Variants in CCBE1 observed in about 807,000 individuals in gnomAD.
CCBE1 encodes collagen and calcium binding EGF domains 1.
Under a neutral mutation model 50.0 loss-of-function variants are expected in CCBE1, and 37 were observed. The ratio of observed to expected loss-of-function variants is 0.74; its 90% CI spans 0.57 to 0.97. The LOEUF (loss-of-function observed/expected upper bound fraction) is 0.97. Among genes scored for constraint, CCBE1 ranks in the 50% least tolerant of loss-of-function variants. The probability of loss-of-function intolerance (pLI) is 0.00; values close to 1 mark genes in which losing one functional copy is unlikely to be tolerated. For synonymous variants in CCBE1, 234 were observed against 203.7 expected, an observed-to-expected ratio of 1.15 and a Z score of -1.27; for missense variants, 538 against 523.8, an observed-to-expected ratio of 1.03 and a Z score of -0.26.
chr18:59,515,752 C>T (rs1441741682), intron 2 of CCBE1, among the ~76,000 whole-genome samples: 3 of 152,164 alleles, frequency 2.0e-5, no homozygotes, highest in Non-Finnish European at 2.9e-5. Flanking sequence ...GCTGAGGTGT[C>T]AGGCTACCTT....
chr18:59,505,645 A>G (rs1038041939), intron 2 of CCBE1, among the ~76,000 whole-genome samples: 3 of 152,236 alleles, frequency 2.0e-5, no homozygotes, highest in Admixed American at 6.5e-5. Context: ...ATAATTTATA[A>G]AGACATGTTA....
At chr18:59,661,046 C>T (rs985855282) in intron 2 of CCBE1, among the ~76,000 whole-genome samples, 12 of 151,752 alleles carry the variant, frequency 7.9e-5, no homozygotes, top group African/African-American at 2.4e-4. Context: ...TTTTTCTCCC[C>T]TTGGCCAACG....
intron 2 of CCBE1, among the ~76,000 whole-genome samples, chr18:59,618,680 A>T (rs941207944): frequency 6.6e-6 from 1 of 152,064 alleles, no homozygotes; most frequent in Admixed American, 6.6e-5. Context: ...CACCCACCTC[A>T]GCCTCCCAAA....
chr18:59,560,215 T>C (rs966905838), intron 2 of CCBE1, among the ~76,000 whole-genome samples: 1 of 152,214 alleles, frequency 6.6e-6, no homozygotes. Context: ...TAACCACAGA[T>C]AGTTTTGGCT....
intron 2 of CCBE1, among the ~76,000 whole-genome samples, chr18:59,481,444 G>A (rs979805885): frequency 6.6e-6 from 1 of 152,152 alleles, no homozygotes. Flanking sequence ...AAAATTGAGT[G>A]AGAGACATAA....
intron 2 of CCBE1, among the ~76,000 whole-genome samples, chr18:59,624,888 A>G (rs1247983053): frequency 6.6e-6 from 1 of 152,246 alleles, no homozygotes; most frequent in Non-Finnish European, 1.5e-5. Context: ...AACAGCAAAC[A>G]TTAGCATGGA....
intron 2 of CCBE1, among the ~76,000 whole-genome samples, chr18:59,520,029 T>C (rs1283841815): frequency 6.6e-6 from 1 of 152,222 alleles, no homozygotes; most frequent in Non-Finnish European, 1.5e-5. Flanking sequence ...TCCATTTGTC[T>C]ATATATCTGT....
chr18:59,503,925 C>T (rs1913747340), intron 2 of CCBE1, among the ~76,000 whole-genome samples: 1 of 152,202 alleles, frequency 6.6e-6, no homozygotes, highest in South Asian at 2.1e-4. Context: ...TAAGACATTG[C>T]TGTCTCCTCC....
intron 1 of CCBE1, 110 bp from the exon 2 acceptor site, chr18:59,696,819 C>CCCAGA: frequency 1.6e-6 from 2 of 1,222,470 alleles, no homozygotes; most frequent in African/African-American, 1.5e-5. Flanking sequence ...CCCGTCCCGG[C>CCCAGA]GCTCTGGGCA....
chr18:59,508,736 G>C (rs1483962491), intron 2 of CCBE1, among the ~76,000 whole-genome samples: 1 of 54,256 alleles, frequency 1.8e-5, no homozygotes, highest in African/African-American at 1.0e-4. Flanking sequence ...TTTTTTTTGA[G>C]GCAGGGTCTT....
chr18:59,667,557 G>T (rs1233694383), intron 2 of CCBE1, among the ~76,000 whole-genome samples: 2 of 152,110 alleles, frequency 1.3e-5, no homozygotes, highest in African/African-American at 2.4e-5. Flanking sequence ...AAGTCATGAG[G>T]GACACTGACA....
intron 2 of CCBE1, chr18:59,563,665 A>G (rs1371833452): frequency 6.6e-6 from 1 of 152,212 alleles, no homozygotes; most frequent in African/African-American, 2.4e-5. Context: ...AATGCCTACT[A>G]GCAACACAGA....
At chr18:59,546,437 G>A (rs1049252831) in intron 2 of CCBE1, among the ~76,000 whole-genome samples, 1 of 152,208 alleles carries the variant, frequency 6.6e-6, no homozygotes, top group Admixed American at 6.5e-5. Flanking sequence ...GCTGAGGCTT[G>A]ATAAGGGTTT....
At chr18:59,639,246 G>C (rs151024185) in intron 2 of CCBE1, among the ~76,000 whole-genome samples, 33 of 152,232 alleles carry the variant, frequency 2.2e-4, no homozygotes, top group African/African-American at 7.7e-4. Context: ...TCCAGCACAG[G>C]TGACAGAGCA....
chr18:59,486,699 A>C (rs1372214477), intron 2 of CCBE1, among the ~76,000 whole-genome samples: 1 of 152,182 alleles, frequency 6.6e-6, no homozygotes, highest in Admixed American at 6.5e-5. Context: ...GCTATTAAGG[A>C]AAGTGGAGAC....
chr18:59,588,636 C>A (rs984110890), intron 2 of CCBE1, among the ~76,000 whole-genome samples: 1 of 152,216 alleles, frequency 6.6e-6, no homozygotes, highest in African/African-American at 2.4e-5. Context: ...TCTAGAGGGC[C>A]CCTCTTGCTG....
intron 2 of CCBE1, among the ~76,000 whole-genome samples, chr18:59,499,634 G>A (rs930241847): frequency 6.6e-5 from 10 of 152,214 alleles, no homozygotes; most frequent in South Asian, 4.2e-4. Flanking sequence ...AGAACAGCAC[G>A]GGAAAGAACT....
chr18:59,508,336 G>A (rs375425056), intron 2 of CCBE1, among the ~76,000 whole-genome samples: 7 of 151,002 alleles, frequency 4.6e-5, no homozygotes, highest in Admixed American at 6.6e-5. Flanking sequence ...GGTGGCTCAC[G>A]CCTGTAATCC....
intron 2 of CCBE1, among the ~76,000 whole-genome samples, chr18:59,520,745 A>C (rs553025968): frequency 6.6e-6 from 1 of 152,234 alleles, no homozygotes; most frequent in East Asian, 1.9e-4. Flanking sequence ...TCCAATTTCC[A>C]TAATGATTTT....
Sources: allele counts gnomAD v4.1 joint callset (sites outside exome capture counted in the v4.1 genomes callset), GRCh38; gene constraint gnomAD v4.1.1; transcripts MANE v1.5; gene names NCBI Gene and HGNC (gene_info 2026-07-23, HGNC 2026-07-21).